The following TIAM1 variants were observed in gnomAD, a reference collection of about 807,000 sequenced individuals.
TIAM1 encodes the protein TIAM Rac1 associated GEF 1.
Under a neutral mutation model 163.5 loss-of-function variants are expected in TIAM1, and 65 were observed. The observed-to-expected ratio is 0.40, with a 90% CI of 0.33 to 0.49. The LOEUF (loss-of-function observed/expected upper bound fraction) is 0.49. TIAM1 is among the 20% of genes least tolerant of loss of function. The pLI, the probability that TIAM1 is intolerant of heterozygous loss-of-function variation, is 0.77. For synonymous variants in TIAM1, 833 were observed against 810.1 expected, an observed-to-expected ratio of 1.03 and a Z score of -0.48; for missense variants, 1,789 against 2,044.7, an observed-to-expected ratio of 0.87 and a Z score of 2.41.
chr21:31,395,326 G>A lies in TIAM1; in HGVS notation c.-368-55904C>T, dbSNP rs887461044. 6.6e-6 allele frequency among the ~76,000 whole-genome samples: 1 copy of A among 152,028 alleles called. No homozygotes were observed. Among genetic ancestry groups the A allele is most frequent in the African/African-American group, 2.4e-5 (1 of 41,404 alleles). ...ACTACGTCTCAGGGGGCTACTTCTAGAGAAGTGACAAATGGCCCCACACAC... is the reference window on the plus strand; with the variant it reads ...ACTACGTCTCAGGGGGCTACTTCTAAAGAAGTGACAAATGGCCCCACACAC... On this transcript the variant is annotated intron_variant, in intron 2 of 28. Transcript: ENST00000286827. The surrounding 1 kb of genome is among the most constrained non-coding windows in gnomAD (Gnocchi z 7.5).
intron 1 of TIAM1, among the ~76,000 whole-genome samples, chr21:31,548,114 A>G (rs901295597): frequency 6.7e-5 from 10 of 148,510 alleles, no homozygotes; most frequent in Non-Finnish European, 1.3e-4. Context: ...GATCTCGAAT[A>G]GTATTTGTTA....
chr21:31,131,754 T>C (rs1226608150), intron 23 of TIAM1, among the ~76,000 whole-genome samples: 1 of 152,238 alleles, frequency 6.6e-6, no homozygotes, highest in Non-Finnish European at 1.5e-5. Context: ...AATTCATACC[T>C]TGAAACTAAT....
intron 1 of TIAM1, among the ~76,000 whole-genome samples, chr21:31,516,655 A>T (rs375724462): frequency 1.0e-4 from 15 of 150,704 alleles, no homozygotes; most frequent in African/African-American, 3.2e-4. Context: ...TGGTGCTCAC[A>T]CAACTGGACT....
At chr21:31,263,069 T>TA (rs2072566042) in intron 4 of TIAM1, among the ~76,000 whole-genome samples, 1 of 152,226 alleles carries the variant, frequency 6.6e-6, no homozygotes, top group Non-Finnish European at 1.5e-5. Context: ...ACGCCAAACT[T>TA]AGACTAGGAA....
At chr21:31,546,968 C>T (rs2048520314) in intron 1 of TIAM1, among the ~76,000 whole-genome samples, 1 of 149,270 alleles carries the variant, frequency 6.7e-6, no homozygotes, top group Non-Finnish European at 1.5e-5. Context: ...TGGGGGGGGG[C>T]TGGCTCCTAT....
intron 2 of TIAM1, among the ~76,000 whole-genome samples, chr21:31,387,064 C>T (rs532613174): frequency 6.6e-6 from 1 of 152,230 alleles, no homozygotes; most frequent in East Asian, 1.9e-4. Flanking sequence ...GCACCACCTG[C>T]CAGACCCACC....
intron 26 of TIAM1, 77 bp from the exon 27 acceptor site, chr21:31,124,771 C>T (rs1799960861): frequency 8.7e-6 from 11 of 1,264,356 alleles, no homozygotes; most frequent in Non-Finnish European, 1.2e-5. Flanking sequence ...TCAGGTGCAA[C>T]CAAATAAATA....
At chr21:31,558,705 C>A (rs192071256) in intron 1 of TIAM1, among the ~76,000 whole-genome samples, 19 of 152,240 alleles carry the variant, frequency 1.2e-4, no homozygotes, top group Non-Finnish European at 2.6e-4. Flanking sequence ...CCTCCTCCTG[C>A]CTCTCCTCCC....
chr21:31,280,139 T>G (rs1292391360), intron 2 of TIAM1, among the ~76,000 whole-genome samples: 5 of 152,146 alleles, frequency 3.3e-5, no homozygotes, highest in African/African-American at 9.7e-5. Flanking sequence ...ATTACCAAGT[T>G]TTTCAGTCTC....
At chr21:31,473,286 T>C (rs28431186) in intron 1 of TIAM1, among the ~76,000 whole-genome samples, 34,973 of 151,622 alleles carry the variant, frequency 0.23, 4,237 homozygotes, top group African/African-American at 0.26. Context: ...AAAAATTAGC[T>C]GGGCGTGGTG....
chr21:31,219,749 CA>C (rs368462446), intron 8 of TIAM1, among the ~76,000 whole-genome samples: 1 of 149,860 alleles, frequency 6.7e-6, no homozygotes, highest in Non-Finnish European at 1.5e-5. Context: ...CAAAACAAAA[CA>C]AAAAAAAACC....
chr21:31,235,092 G>C (rs1325129641), intron 6 of TIAM1, among the ~76,000 whole-genome samples: 2 of 152,128 alleles, frequency 1.3e-5, no homozygotes, highest in African/African-American at 4.8e-5. Context: ...ATTCTACAGA[G>C]GCTGTTGTAC....
At chr21:31,400,125 T>C (rs1228607884) in intron 2 of TIAM1, among the ~76,000 whole-genome samples, 2 of 152,072 alleles carry the variant, frequency 1.3e-5, no homozygotes, top group Non-Finnish European at 2.9e-5. Context: ...ACACTCTTTT[T>C]TTTTTTCCTT....
intron 2 of TIAM1, among the ~76,000 whole-genome samples, chr21:31,390,960 C>T (rs1015378635): frequency 6.6e-6 from 1 of 152,166 alleles, no homozygotes; most frequent in South Asian, 2.1e-4. Context: ...ACTTCTCTGG[C>T]CTTCTACCAG....
At chr21:31,492,667 C>T (rs1602411534) in intron 1 of TIAM1, among the ~76,000 whole-genome samples, 2 of 152,210 alleles carry the variant, frequency 1.3e-5, no homozygotes, top group African/African-American at 2.4e-5. Flanking sequence ...TGTGCCCCGA[C>T]CACCTTGGGC....
intron 2 of TIAM1, among the ~76,000 whole-genome samples, chr21:31,393,856 C>T (rs991749958): frequency 6.6e-6 from 1 of 152,064 alleles, no homozygotes; most frequent in Non-Finnish European, 1.5e-5. Context: ...CAGGAGAGTT[C>T]CAATTTCATG....
chr21:31,487,683 A>AGCC (rs2046322118), intron 1 of TIAM1, among the ~76,000 whole-genome samples: 1 of 150,882 alleles, frequency 6.6e-6, no homozygotes, highest in South Asian at 2.1e-4. Context: ...TCAGCCTCCC[A>AGCC]AGTAGCTGGG....
chr21:31,413,773 C>G (rs1372186693), intron 2 of TIAM1, among the ~76,000 whole-genome samples: 1 of 152,120 alleles, frequency 6.6e-6, no homozygotes, highest in Non-Finnish European at 1.5e-5. Context: ...TTTGAAGTCC[C>G]AGGCAAAGAA....
chr21:31,417,967 G>C (rs920021078), intron 2 of TIAM1, among the ~76,000 whole-genome samples: 7 of 152,168 alleles, frequency 4.6e-5, no homozygotes, highest in African/African-American at 1.4e-4. Context: ...GCTCAAGTCA[G>C]CCAGGAACCA....
Sources: gnomAD v4.1 joint callset for allele counts (sites outside exome capture counted in the v4.1 genomes callset) on GRCh38, gnomAD v4.1.1 for gene constraint, Gnocchi (gnomAD v3.1) non-coding constraint, MANE v1.5 for transcripts, NCBI Gene and HGNC (gene_info 2026-07-23, HGNC 2026-07-21) for gene names.